GLI2: variants seen among roughly 807,000 people sequenced by gnomAD.
The protein encoded by GLI2 is GLI family zinc finger 2.
GLI2 carries 22 observed loss-of-function variants against 78.9 expected under a neutral mutation model. The ratio of observed to expected loss-of-function variants is 0.28; its 90% CI spans 0.20 to 0.40. GLI2 has a LOEUF of 0.40. Among genes scored for constraint, GLI2 ranks in the 10% least tolerant of loss-of-function variants. The pLI, the probability that GLI2 is intolerant of heterozygous loss-of-function variation, is 1.00. For missense variants in GLI2, 2,097 were observed against 2,213.2 expected (o/e 0.95, Z 1.05); for synonymous variants, 974 against 963.7 (o/e 1.01, Z -0.20).
chr2:120,906,866 A>G (rs1222743988), intron 2 of GLI2, among the ~76,000 whole-genome samples: 1 of 152,082 alleles, frequency 6.6e-6, no homozygotes, highest in Non-Finnish European at 1.5e-5. Context: ...TGCATCCTGC[A>G]TTGAGCATGA....
At chr2:120,879,524 C>T (rs1217667135) in intron 2 of GLI2, among the ~76,000 whole-genome samples, 1 of 152,168 alleles carries the variant, frequency 6.6e-6, no homozygotes, top group African/African-American at 2.4e-5. Context: ...GGGGAGGCAG[C>T]ATGAGCAGTT....
intron 1 of GLI2, among the ~76,000 whole-genome samples, chr2:120,790,963 G>A (rs1247658820): frequency 6.6e-6 from 1 of 152,070 alleles, no homozygotes; most frequent in Non-Finnish European, 1.5e-5. Flanking sequence ...TAGGTGTTAC[G>A]GGCCATGCTG....
At chr2:120,848,895 T>C (rs370656055) in intron 2 of GLI2, among the ~76,000 whole-genome samples, 24 of 152,318 alleles carry the variant, frequency 1.6e-4, no homozygotes, top group African/African-American at 5.8e-4. Context: ...AGGACAGGTC[T>C]GCACACTCTG....
At chr2:120,894,618 G>A (rs1677850977) in intron 2 of GLI2, among the ~76,000 whole-genome samples, 1 of 151,582 alleles carries the variant, frequency 6.6e-6, no homozygotes, top group Non-Finnish European at 1.5e-5. Flanking sequence ...TTGGGGGGGG[G>A]TACCAGTGAT....
chr2:120,854,400 G>A (rs1420738121), intron 2 of GLI2, among the ~76,000 whole-genome samples: 1 of 152,158 alleles, frequency 6.6e-6, no homozygotes, highest in Non-Finnish European at 1.5e-5. Flanking sequence ...TCCCTTTCCT[G>A]AGGCCGACAG....
intron 1 of GLI2, among the ~76,000 whole-genome samples, chr2:120,791,807 G>A (rs114675718): frequency 1.4e-3 from 214 of 152,310 alleles, no homozygotes; most frequent in African/African-American, 4.8e-3. Flanking sequence ...CCATGCACAC[G>A]TCTGTGACTT....
intron 2 of GLI2, among the ~76,000 whole-genome samples, chr2:120,827,274 C>T (rs748007476): frequency 1.3e-5 from 2 of 152,186 alleles, no homozygotes; most frequent in African/African-American, 2.4e-5. Flanking sequence ...GTGAGCCCGG[C>T]GTCTCTAAGT....
intron 2 of GLI2, among the ~76,000 whole-genome samples, chr2:120,806,510 G>A (rs6705718): frequency 0.022 from 3,290 of 152,196 alleles, 119 homozygotes; most frequent in African/African-American, 0.075. Flanking sequence ...GAAAGGGTGG[G>A]TGGGCCCTGG....
At chr2:120,786,261 G>C (rs1683994084) in intron 1 of GLI2, among the ~76,000 whole-genome samples, 1 of 152,188 alleles carries the variant, frequency 6.6e-6, no homozygotes, top group Admixed American at 6.5e-5. Context: ...AACCAGACAG[G>C]GTCCCAGGTC....
At chr2:120,829,478 C>T (rs1293778389) in intron 2 of GLI2, among the ~76,000 whole-genome samples, 5 of 152,118 alleles carry the variant, frequency 3.3e-5, no homozygotes, top group East Asian at 3.9e-4. Context: ...GTGTGACATT[C>T]GTCAAGTAGA....
chr2:120,954,747 G>A (rs1053185399), intron 4 of GLI2, among the ~76,000 whole-genome samples: 9 of 152,320 alleles, frequency 5.9e-5, no homozygotes, highest in African/African-American at 1.7e-4. Context: ...GAGGCTCTGC[G>A]CTGCAGGGAT....
At chr2:120,839,807 C>T (rs1357725127) in intron 2 of GLI2, among the ~76,000 whole-genome samples, 2 of 152,224 alleles carry the variant, frequency 1.3e-5, no homozygotes, top group Non-Finnish European at 2.9e-5. Context: ...AAGTAATCCA[C>T]CTGCCTTGGC....
chr2:120,870,850 C>T (rs1273848917), intron 2 of GLI2, among the ~76,000 whole-genome samples: 1 of 152,154 alleles, frequency 6.6e-6, no homozygotes, highest in East Asian at 1.9e-4. Context: ...TACATGCAAC[C>T]TGCATGCCCA....
chr2:120,797,225 C>G, intron 1 of GLI2, 66 bp from the exon 2 acceptor site: 1 of 1,240,410 alleles, frequency 8.1e-7, no homozygotes, highest in Non-Finnish European at 1.2e-6. Flanking sequence ...CGGTGTGAAT[C>G]TGGGTCGGCG....
chr2:120,898,092 G>A (rs1678066199), intron 2 of GLI2, among the ~76,000 whole-genome samples: 2 of 151,500 alleles, frequency 1.3e-5, no homozygotes, highest in African/African-American at 2.4e-5. Flanking sequence ...TCTTGTTGCT[G>A]TTTTGTGGAG....
At chr2:120,764,602 A>G (rs1683313689) in intron 1 of GLI2, among the ~76,000 whole-genome samples, 1 of 152,174 alleles carries the variant, frequency 6.6e-6, no homozygotes, top group South Asian at 2.1e-4. Context: ...GTAGAAGGGA[A>G]CAGGGTTGCC....
intron 2 of GLI2, among the ~76,000 whole-genome samples, chr2:120,819,167 G>A (rs1308405599): frequency 6.6e-6 from 1 of 152,028 alleles, no homozygotes; most frequent in African/African-American, 2.4e-5. Flanking sequence ...ACCTCCAGAT[G>A]GGTGAGGTTT....
intron 1 of GLI2, among the ~76,000 whole-genome samples, chr2:120,785,810 A>G (rs1019852222): frequency 6.6e-6 from 1 of 152,178 alleles, no homozygotes; most frequent in Non-Finnish European, 1.5e-5. Context: ...CAGCCTGCCT[A>G]TCTCACACCC....
intron 2 of GLI2, among the ~76,000 whole-genome samples, chr2:120,888,139 G>A (rs539095250): frequency 1.6e-4 from 25 of 152,344 alleles, no homozygotes; most frequent in African/African-American, 5.8e-4. Flanking sequence ...CTGGCTGGAT[G>A]CCGAAAAGAA....
Sources: gnomAD v4.1 joint callset for allele counts (sites outside exome capture counted in the v4.1 genomes callset) on GRCh38, gnomAD v4.1.1 for gene constraint, MANE v1.5 for transcripts, NCBI Gene and HGNC (gene_info 2026-07-23, HGNC 2026-07-21) for gene names.